The following GRXCR1 variants were observed in gnomAD, a reference collection of about 807,000 sequenced individuals.
GRXCR1 encodes the protein glutaredoxin domain-containing cysteine-rich protein 1.
GRXCR1 carries 27 observed loss-of-function variants against 27.3 expected under a neutral mutation model. The observed-to-expected ratio is 0.99, with a 90% CI of 0.73 to 1.37. The LOEUF (loss-of-function observed/expected upper bound fraction) is 1.37, where lower values mean the gene tolerates loss of function less well. Among genes scored for constraint, GRXCR1 ranks in the 40% most tolerant of loss-of-function variants. The pLI, the probability that GRXCR1 is intolerant of heterozygous loss-of-function variation, is 0.00. For synonymous variants in GRXCR1, 122 were observed against 131.1 expected (o/e 0.93, Z 0.47); for missense variants, 379 against 354.4 (o/e 1.07, Z -0.56).
At chr4:43,007,774 C>A (rs924574609) in intron 2 of GRXCR1, among the ~76,000 whole-genome samples, 2 of 152,200 alleles carry the variant, frequency 1.3e-5, no homozygotes, top group African/African-American at 4.8e-5. Flanking sequence ...TTAGTAGCTA[C>A]ATGCTTTAGC....
intron 2 of GRXCR1, among the ~76,000 whole-genome samples, chr4:43,008,882 A>G (rs749485904): frequency 6.6e-6 from 1 of 152,248 alleles, no homozygotes; most frequent in African/African-American, 2.4e-5. Flanking sequence ...TGCAGTGAAG[A>G]TTAAATAAAT....
intron 1 of GRXCR1, among the ~76,000 whole-genome samples, chr4:42,906,420 A>G (rs1053594997): frequency 2.0e-5 from 3 of 152,192 alleles, no homozygotes; most frequent in Non-Finnish European, 2.9e-5. Flanking sequence ...AAAATAAAGT[A>G]TAAAACACAG....
chr4:42,944,537 C>T (rs955396050), intron 1 of GRXCR1, among the ~76,000 whole-genome samples: 7 of 151,974 alleles, frequency 4.6e-5, no homozygotes, highest in Non-Finnish European at 8.8e-5. Flanking sequence ...TTCTTTGATC[C>T]TCATAAGGGC....
intron 1 of GRXCR1, among the ~76,000 whole-genome samples, chr4:42,924,829 G>A (rs914391383): frequency 1.3e-5 from 2 of 152,026 alleles, no homozygotes; most frequent in African/African-American, 4.8e-5. Context: ...CAGGATGGGG[G>A]TAACAGGTAA....
intron 1 of GRXCR1, among the ~76,000 whole-genome samples, chr4:42,939,324 A>C (rs1378128018): frequency 6.9e-6 from 1 of 145,374 alleles, no homozygotes; most frequent in Non-Finnish European, 1.5e-5. Context: ...TGACATATAG[A>C]AATAATATGA....
chr4:42,977,923 T>C (rs1449298077), intron 2 of GRXCR1, among the ~76,000 whole-genome samples: 1 of 152,050 alleles, frequency 6.6e-6, no homozygotes, highest in Non-Finnish European at 1.5e-5. Context: ...TGCTAGCAGC[T>C]TCATAGTTTT....
At chr4:43,017,113 A>G (rs1049995158) in intron 2 of GRXCR1, among the ~76,000 whole-genome samples, 2 of 152,218 alleles carry the variant, frequency 1.3e-5, no homozygotes, top group African/African-American at 4.8e-5. Flanking sequence ...AATAAGATGC[A>G]ATGCTGAGAT....
At chr4:43,016,763 G>T (rs1712946228) in intron 2 of GRXCR1, among the ~76,000 whole-genome samples, 1 of 152,120 alleles carries the variant, frequency 6.6e-6, no homozygotes, top group Non-Finnish European at 1.5e-5. Flanking sequence ...GCATGAATGA[G>T]TACGGTAGCA....
rs1364435219 is a variant in GRXCR1 at position 42,958,857 on chromosome 4, A to G, written c.385-4035A>G. Among the ~76,000 whole-genome samples, 9 of 152,096 alleles carry G rather than the reference A, an allele frequency of 5.9e-5. No individual in the cohort carries two copies. The East Asian group carries it at 1.7e-3, about 29-fold the overall frequency. Reference sequence around the variant, plus strand: ...ATGGAAACCACAATGGGAAGTGCAAATCAAAACAGTGAGATATCACCTTAC... The same window carrying G: ...ATGGAAACCACAATGGGAAGTGCAAGTCAAAACAGTGAGATATCACCTTAC... On this transcript the variant is annotated intron_variant, in intron 1 of 3. Coordinates refer to ENST00000399770, the MANE Select transcript of GRXCR1 (RefSeq NM_001080476.3).
At chr4:42,983,769 C>CT (rs1711568939) in intron 2 of GRXCR1, among the ~76,000 whole-genome samples, 1 of 150,826 alleles carries the variant, frequency 6.6e-6, no homozygotes, top group African/African-American at 2.4e-5. Context: ...CTTTTTTATT[C>CT]TTTTTTCTTT....
intron 1 of GRXCR1, among the ~76,000 whole-genome samples, chr4:42,902,068 C>A (rs539338040): frequency 5.9e-5 from 9 of 152,180 alleles, no homozygotes; most frequent in African/African-American, 2.2e-4. Context: ...CATTTAAAAT[C>A]TTTTTGGACT....
chr4:42,967,287 T>G (rs1748268544), intron 2 of GRXCR1, among the ~76,000 whole-genome samples: 1 of 152,118 alleles, frequency 6.6e-6, no homozygotes, highest in African/African-American at 2.4e-5. Flanking sequence ...TCTAGGCCCC[T>G]TTGTTGAAAA....
chr4:42,986,831 C>T (rs1437840219), intron 2 of GRXCR1, among the ~76,000 whole-genome samples: 2 of 152,006 alleles, frequency 1.3e-5, no homozygotes, highest in African/African-American at 4.8e-5. Flanking sequence ...CTAGATATGT[C>T]TCCTTGTAGA....
At chr4:42,926,820 T>C (rs1203482929) in intron 1 of GRXCR1, among the ~76,000 whole-genome samples, 2 of 152,030 alleles carry the variant, frequency 1.3e-5, no homozygotes, top group Non-Finnish European at 2.9e-5. Context: ...AGTTCCCAAA[T>C]AGCATATTGG....
At chr4:42,989,191 T>C (rs1711876832) in intron 2 of GRXCR1, among the ~76,000 whole-genome samples, 1 of 152,200 alleles carries the variant, frequency 6.6e-6, no homozygotes, top group African/African-American at 2.4e-5. Context: ...GCTTAAATAA[T>C]AGTTTTGGAG....
Position 43,005,142 on chromosome 4 carries a change from TC to T in GRXCR1, c.628-15206del, listed in dbSNP as rs1016460239. ...TGGTGGTTTAAATGTGTTTGGCAGT[TC>T]CCCCCTCACTCTCTTTTTCCTGACA... On this transcript the variant is annotated intron_variant, in intron 2 of 3. Transcript: ENST00000399770. 5.3e-5 allele frequency among the ~76,000 whole-genome samples: 8 copies of T among 152,136 alleles called. No homozygotes were observed. The East Asian group carries it at 5.8e-4, about 11-fold the overall frequency.
intron 1 of GRXCR1, among the ~76,000 whole-genome samples, chr4:42,931,029 T>C (rs374280665): frequency 9.3e-4 from 142 of 152,068 alleles, no homozygotes; most frequent in African/African-American, 3.1e-3. Context: ...ACTGCATGTT[T>C]GAGCCAACAT....
At chr4:42,923,821 C>A (rs1182833511) in intron 1 of GRXCR1, among the ~76,000 whole-genome samples, 2 of 152,038 alleles carry the variant, frequency 1.3e-5, no homozygotes, top group African/African-American at 4.8e-5. Context: ...ATGGGTAGCA[C>A]TGAAGGTGAT....
At position 43,004,901 on chromosome 4, in the gene GRXCR1, T is replaced by C. The variant is rs114301301; in HGVS notation, c.628-15453T>C. Among the ~76,000 whole-genome samples the C allele has an allele frequency of 1.5e-3, 225 of 152,292 alleles. 1 individual carries two copies. The highest frequency in any genetic ancestry group is 5.4e-3 in the African/African-American group (223 of 41,572). ...AAGGAGTTAAGACTTTGAGGGACTG[T>C]TGGCATGATTGATTTTGAAATGTGA... On this transcript the variant is annotated intron_variant, in intron 2 of 3. Coordinates refer to ENST00000399770, the MANE Select transcript of GRXCR1 (RefSeq NM_001080476.3).
Sources: gnomAD v4.1 joint callset for allele counts (sites outside exome capture counted in the v4.1 genomes callset) on GRCh38, gnomAD v4.1.1 for gene constraint, MANE v1.5 for transcripts, NCBI Gene and HGNC (gene_info 2026-07-23, HGNC 2026-07-21) for gene names.